Variants in SARDH observed in about 807,000 individuals in gnomAD.
The protein encoded by SARDH is sarcosine dehydrogenase, also known as sarcosine dehydrogenase, mitochondrial.
A neutral mutation model predicts 109.1 loss-of-function variants in SARDH; 95 were observed. The observed-to-expected ratio is 0.87, with a 90% CI of 0.74 to 1.03. The LOEUF (loss-of-function observed/expected upper bound fraction) is 1.03. Among genes scored for constraint, SARDH ranks in the 50% least tolerant of loss-of-function variants. The probability of loss-of-function intolerance (pLI) is 0.00; values close to 1 mark genes in which losing one functional copy is unlikely to be tolerated. For missense variants in SARDH, 1,267 were observed against 1,287.8 expected, an observed-to-expected ratio of 0.98 and a Z score of 0.25; for synonymous variants, 572 against 534.8, an observed-to-expected ratio of 1.07 and a Z score of -0.96.
chr9:133,672,020 A>G (rs1349470555), intron 17 of SARDH, among the ~76,000 whole-genome samples: 1 of 152,196 alleles, frequency 6.6e-6, no homozygotes, highest in African/African-American at 2.4e-5. Flanking sequence ...GGCTTAAAAC[A>G]ATAACAGTAA....
chr9:133,733,452 T>A, intron 2 of SARDH, among the ~76,000 whole-genome samples: 1 of 152,160 alleles, frequency 6.6e-6, no homozygotes, highest in East Asian at 1.9e-4. Flanking sequence ...AAGCCTCTGG[T>A]GCTCATGGAG....
At chr9:133,705,797 T>C (rs1462877819) in intron 11 of SARDH, among the ~76,000 whole-genome samples, 1 of 152,234 alleles carries the variant, frequency 6.6e-6, no homozygotes, top group Non-Finnish European at 1.5e-5. Context: ...GTGACTCTAT[T>C]TGGAGATGGG....
chr9:133,702,871 G>T, intron 13 of SARDH, 45 bp downstream of exon 13: 1 of 1,571,236 alleles, frequency 6.4e-7, no homozygotes, highest in Non-Finnish European at 8.7e-7. Context: ...TTATCTGAGG[G>T]ACAGGCAGAA....
At position 133,664,020 on chromosome 9, in the gene SARDH, A is replaced by T; in HGVS notation, c.2632-6T>A. The T allele has an allele frequency of 6.2e-7, 1 of 1,613,836 alleles. No homozygotes were observed. Among genetic ancestry groups the T allele is most frequent in the South Asian group, 1.1e-5 (1 of 91,026 alleles). ...TTCACAAAGTCCAGCGAGACCTAGG[A>T]GCAGAGGTGGGGATGAGGATCACTC... On this transcript the variant is annotated splice_region_variant and splice_polypyrimidine_tract_variant and intron_variant, in intron 20 of 20. Transcript: ENST00000439388.
In SARDH at chr9:133,704,359, G is replaced by A. The variant is rs1001658713; in HGVS notation, c.1554+589C>T. ...ACCCCTCAGCTGGCCTTAAGGCCTCGCGTCCCCTGCTCCCGAGGGTCTGGG... is the reference window on the plus strand; with the variant it reads ...ACCCCTCAGCTGGCCTTAAGGCCTCACGTCCCCTGCTCCCGAGGGTCTGGG... On this transcript the variant is annotated intron_variant, in intron 12 of 20. Coordinates refer to ENST00000439388, the MANE Select transcript of SARDH (RefSeq NM_001134707.2). The surrounding 1 kb of genome is among the most constrained non-coding windows in gnomAD (Gnocchi z 4.5). 3.9e-5 allele frequency among the ~76,000 whole-genome samples: 6 copies of A among 152,080 alleles called. No homozygotes were observed. The South Asian group carries it at 6.2e-4, about 16-fold the overall frequency.
Position 133,718,642 on chromosome 9 carries a change from G to A in SARDH, c.1020+296C>T, listed in dbSNP as rs981029129. ...AGGGCAGTGTCATTTGCTGAAGGAC[G>A]TAGGACTTGTGTGCTCTCATGCCCT... On this transcript the variant is annotated intron_variant, in intron 7 of 20. Coordinates refer to ENST00000439388, the MANE Select transcript of SARDH (RefSeq NM_001134707.2). The surrounding 1 kb of genome is among the most constrained non-coding windows in gnomAD (Gnocchi z 4.2). 9.0e-6 allele frequency: 7 copies of A among 778,434 alleles called. No homozygotes were observed. The highest frequency in any genetic ancestry group is 6.8e-5 in the African/African-American group (4 of 59,156). The allele number at this position is 778,434 out of a possible 1,614,324, so 48.2% of individuals were successfully genotyped here.
At chr9:133,662,165 T>C (rs1222287159), downstream of SARDH, among the ~76,000 whole-genome samples, 1 of 151,902 alleles carries the variant, frequency 6.6e-6, no homozygotes, top group Non-Finnish European at 1.5e-5. This position sits in a 1 kb window ranked among gnomAD's most constrained non-coding sequence, Gnocchi z 5.1. Context: ...TGCTGGGTTC[T>C]CTCTCCTCGG....
In SARDH at chr9:133,664,003, G is replaced by A; in HGVS notation, c.2643C>T (p.Asp881=). 1 of 1,614,156 alleles carries A rather than the reference G, an allele frequency of 6.2e-7. No homozygotes were observed. The highest frequency in any genetic ancestry group is 8.5e-7 in the Non-Finnish European group (1 of 1,180,006). The change falls in exon 21 of 21, where the codon GAC becomes GAT. Residue 881 remains aspartate (D), a synonymous_variant. Coordinates refer to ENST00000439388, the MANE Select transcript of SARDH (RefSeq NM_001134707.2). ...GGGCATAGTCCCCGCTCTTCACAAA[G>A]TCCAGCGAGACCTAGGAGCAGAGGT... is the stretch of plus-strand genomic sequence containing the variant. ...HDPSGGPVSL[D]FVKSGDYALE...
chr9:133,705,226 C>T lies in SARDH; in HGVS notation c.1471-195G>A, dbSNP rs115956579. On this transcript the variant is annotated intron_variant, in intron 11 of 20. Coordinates refer to ENST00000439388, the MANE Select transcript of SARDH (RefSeq NM_001134707.2). ...CTGAGAACCCCTATGTGTAGAATTA[C>T]CACCTGCCCCATCTGCCCTCACCCT... Among the ~76,000 whole-genome samples the T allele has an allele frequency of 2.5e-3, 375 of 151,556 alleles. 1 individual carries two copies. Among genetic ancestry groups the T allele is most frequent in the African/African-American group, 8.7e-3 (359 of 41,280 alleles).
At position 133,718,590 on chromosome 9, in the gene SARDH, GA is replaced by G. The variant is rs1376905739; in HGVS notation, c.1020+347del. ...GCCCGGGAAACAGCCCAGGCCAGGG[GA>G]AATGCCGCTGCAGCAGCTGGTTGGG... On this transcript the variant is annotated intron_variant, in intron 7 of 20. Transcript: ENST00000439388. This position sits in a 1 kb window ranked among gnomAD's most constrained non-coding sequence, Gnocchi z 4.2. The G allele has an allele frequency of 6.6e-6, 5 of 760,452 alleles. No homozygotes were observed. Among genetic ancestry groups the G allele is most frequent in the Non-Finnish European group, 1.2e-5 (5 of 411,088 alleles). 47.1% of individuals were successfully genotyped at this position (760,452 alleles called of 1,614,324 possible). A position where few individuals can be genotyped will look rare whatever the true frequency, so the allele number is the denominator to read the frequency against.
intron 11 of SARDH, 110 bp downstream of exon 11, chr9:133,708,176 AC>A: frequency 7.7e-7 from 1 of 1,305,278 alleles, no homozygotes. Context: ...ACACCTTGTC[AC>A]CGCACCTGAC....
chr9:133,666,829 C>T lies in SARDH; in HGVS notation c.2537G>A (p.Gly846Asp), dbSNP rs770714612. 6.2e-7 allele frequency: 1 copy of T among 1,610,476 alleles called. No individual in the cohort carries two copies. The highest frequency in any genetic ancestry group is 8.5e-7 in the Non-Finnish European group (1 of 1,178,614). Residue 846 changes from glycine (G) to aspartate (D), a missense_variant, in exon 20 of 21, where the codon GGC becomes GAC. Transcript: ENST00000439388. The surrounding 1 kb of genome is among the most constrained non-coding windows in gnomAD (Gnocchi z 5.2). ...CCTCCGGACATGGCCCACCACTTGG[C>T]CGTTCCTCCAGATGGCCTCCAGGCC... ...MFGLEAIWRN[G>D]QVVGHVRRAD...
upstream of SARDH, chr9:133,738,370 C>G (rs476835): frequency 0.26 from 39,667 of 151,916 alleles, 5,494 homozygotes; most frequent in East Asian, 0.3. Flanking sequence ...CCCCGCCCCC[C>G]ACCCTCGCTG....
intron 17 of SARDH, among the ~76,000 whole-genome samples, chr9:133,682,385 G>A (rs1201077695): frequency 2.0e-5 from 3 of 152,182 alleles, no homozygotes; most frequent in South Asian, 4.1e-4. Context: ...AGAAGATGGC[G>A]GGCAACACAC....
chr9:133,717,914 C>T (rs754648782), intron 7 of SARDH, among the ~76,000 whole-genome samples: 24 of 152,258 alleles, frequency 1.6e-4, no homozygotes, highest in African/African-American at 5.1e-4. Flanking sequence ...GGTTTGTTGT[C>T]GCGGTGCAGG....
chr9:133,694,210 C>T (rs1026815226), intron 15 of SARDH, 48 bp downstream of exon 15: 17 of 1,389,920 alleles, frequency 1.2e-5, no homozygotes, highest in Non-Finnish European at 1.7e-5. Flanking sequence ...CACCAGTCCA[C>T]AGAGCAGGCC....
At position 133,681,197 on chromosome 9, in the gene SARDH, A is replaced by T. The variant is rs115501624; in HGVS notation, c.2163+3996T>A. On this transcript the variant is annotated intron_variant, in intron 17 of 20. Transcript: ENST00000439388. ...TGGGAGGTGTCAGGATGGGGCCCAC[A>T]GGGATGGGGAGAATGCTGGTGGGTA... 2.5e-3 allele frequency among the ~76,000 whole-genome samples: 381 copies of T among 152,222 alleles called. 4 individuals carry two copies. Among genetic ancestry groups the T allele is most frequent in the African/African-American group, 8.4e-3 (350 of 41,542 alleles).
In SARDH at chr9:133,671,671, C is replaced by G. The variant is rs2519123; in HGVS notation, c.2190G>C (p.Val730=). 780,799 of 1,583,356 alleles carry G rather than the reference C, an allele frequency of 0.49. 197,591 individuals carry two copies. Among genetic ancestry groups the G allele is most frequent in the East Asian group, 0.82 (35,336 of 43,272 alleles). Residue 730 remains valine, a synonymous_variant, in exon 18 of 21, where the codon GTG becomes GTC. Transcript: ENST00000439388. ...HLVRAMRLSF[V]GELGWELHIP... ...TGTGCAGCTCCCAGCCCAGCTCCCCCACAAAGGACAGCCGCATGGCTCGGA... is the reference window on the plus strand; with the variant it reads ...TGTGCAGCTCCCAGCCCAGCTCCCCGACAAAGGACAGCCGCATGGCTCGGA...
chr9:133,714,817 G>A (rs542962521), intron 8 of SARDH, among the ~76,000 whole-genome samples: 1 of 152,266 alleles, frequency 6.6e-6, no homozygotes, highest in South Asian at 2.1e-4. Flanking sequence ...CTGGGTTTGG[G>A]GATGGCCCAG....
Sources: allele counts gnomAD v4.1 joint callset (sites outside exome capture counted in the v4.1 genomes callset), GRCh38; gene constraint gnomAD v4.1.1; non-coding constraint Gnocchi (gnomAD v3.1); transcripts MANE v1.5; gene names NCBI Gene and HGNC (gene_info 2026-07-23, HGNC 2026-07-21).